ZNF224: variants seen among roughly 807,000 people sequenced by gnomAD.
The protein encoded by ZNF224 is bone marrow zinc finger 2.
A neutral mutation model predicts 10.5 loss-of-function variants in ZNF224; 8 were observed. The ratio of observed to expected loss-of-function variants is 0.76; its 90% CI spans 0.45 to 1.37. The LOEUF (loss-of-function observed/expected upper bound fraction) is 1.37. Ranked by LOEUF, ZNF224 falls within the 40% of genes most tolerant of loss-of-function variation. ZNF224 has a pLI of 0.00. For missense variants in ZNF224, 754 were observed against 854.0 expected (o/e 0.88, Z 1.46); for synonymous variants, 282 against 287.8 (o/e 0.98, Z 0.20).
intron 5 of ZNF224, among the ~76,000 whole-genome samples, chr19:44,103,052 T>C (rs1232076442): frequency 6.6e-6 from 1 of 152,226 alleles, no homozygotes; most frequent in Admixed American, 6.5e-5. Flanking sequence ...TGTATATTTC[T>C]GCACCTTCAT....
At chr19:44,103,818 G>A (rs1039982181) in intron 5 of ZNF224, among the ~76,000 whole-genome samples, 2 of 151,966 alleles carry the variant, frequency 1.3e-5, no homozygotes, top group African/African-American at 4.8e-5. Flanking sequence ...GGCCTCCCAC[G>A]TAGCTGGGAT....
chr19:44,098,259 T>G (rs559798807), intron 3 of ZNF224, among the ~76,000 whole-genome samples: 1 of 152,264 alleles, frequency 6.6e-6, no homozygotes, highest in South Asian at 2.1e-4. Context: ...TATTATATAA[T>G]GTTCATTTTT....
At chr19:44,104,698 G>A (rs1020910987) in intron 5 of ZNF224, among the ~76,000 whole-genome samples, 1 of 150,904 alleles carries the variant, frequency 6.6e-6, no homozygotes, top group Non-Finnish European at 1.5e-5. Context: ...GTCTCGCTCT[G>A]TCACCCAGGC....
chr19:44,108,533 G>A lies in ZNF224; in HGVS notation c.*249G>A. On this transcript the variant is annotated 3_prime_UTR_variant, in exon 6 of 6. Transcript: ENST00000693561. ...CCAGTAGTCTCAGGACCACCATAAT[G>A]GAGAATCCTTGTAAATGGTGCAATA... The A allele has an allele frequency of 2.0e-6, 1 of 512,754 alleles. No individual in the cohort carries two copies. Among genetic ancestry groups the A allele is most frequent in the East Asian group, 3.6e-5 (1 of 28,060 alleles). 31.8% of individuals were successfully genotyped at this position (512,754 alleles called of 1,614,324 possible).
Position 44,106,449 on chromosome 19 carries a change from G to C in ZNF224, c.289G>C (p.Glu97Gln). The C allele has an allele frequency of 5.0e-6, 8 of 1,614,166 alleles. No homozygotes were observed. Among genetic ancestry groups the C allele is most frequent in the Non-Finnish European group, 6.8e-6 (8 of 1,180,030 alleles). The change falls in exon 6 of 6, where the codon GAG becomes CAG. Residue 97 changes from glutamate (E) to glutamine (Q), a missense_variant. Transcript: ENST00000693561. ...ETVSEAGTHQ[E>Q]WSFQQIWEKI... Reference sequence around the variant, plus strand: ...TGTTTCAGAAGCAGGAACACATCAAGAGTGGTCCTTCCAGCAAATCTGGGA... The same window carrying C: ...TGTTTCAGAAGCAGGAACACATCAACAGTGGTCCTTCCAGCAAATCTGGGA...
intron 3 of ZNF224, among the ~76,000 whole-genome samples, chr19:44,100,165 A>G (rs530662109): frequency 6.6e-6 from 1 of 152,332 alleles, no homozygotes; most frequent in East Asian, 1.9e-4. Context: ...CGATCATTAT[A>G]TAGAGAGGAA....
At chr19:44,097,555 A>T (rs967322409) in intron 2 of ZNF224, among the ~76,000 whole-genome samples, 1 of 152,212 alleles carries the variant, frequency 6.6e-6, no homozygotes, top group Non-Finnish European at 1.5e-5. Flanking sequence ...TCAAAGGTTC[A>T]TGTATGTTGT....
rs1064700 is a variant in ZNF224, at chr19:44,107,893, C to G, written c.1733C>G (p.Thr578Ser). ...FKCEECGKRF[T>S]QNSQLHSHQR... ...TGTGAAGAGTGTGGGAAAAGATTTA[C>G]TCAGAATTCACAGCTTCATTCTCAT... The change falls in exon 6 of 6, where the codon ACT (threonine) becomes AGT (serine). Residue 578 changes from threonine to serine, a missense_variant. By Grantham distance (58) the Thr-to-Ser change is moderately conservative. Transcript: ENST00000693561. 2.5e-6 allele frequency: 4 copies of G among 1,601,140 alleles called. No individual in the cohort carries two copies. Among genetic ancestry groups the G allele is most frequent in the Admixed American group, 1.7e-5 (1 of 58,966 alleles).
At chr19:44,099,207 G>T (rs1266768152) in intron 3 of ZNF224, among the ~76,000 whole-genome samples, 1 of 152,156 alleles carries the variant, frequency 6.6e-6, no homozygotes, top group Non-Finnish European at 1.5e-5. Context: ...TACCTTGGGA[G>T]GGGGGCATCT....
chr19:44,095,969 A>T (rs1364392242), intron 1 of ZNF224: 2 of 151,614 alleles, frequency 1.3e-5, no homozygotes, highest in East Asian at 1.9e-4. Flanking sequence ...CTACGAATCC[A>T]TGAAGTAAAG....
intron 3 of ZNF224, among the ~76,000 whole-genome samples, chr19:44,099,181 C>G (rs1001411023): frequency 6.6e-6 from 1 of 152,138 alleles, no homozygotes; most frequent in Non-Finnish European, 1.5e-5. Flanking sequence ...CAGGTGGCAT[C>G]GCTCCTCCCT....
chr19:44,099,548 G>T (rs1195217035), intron 3 of ZNF224, among the ~76,000 whole-genome samples: 1 of 152,078 alleles, frequency 6.6e-6, no homozygotes, highest in Non-Finnish European at 1.5e-5. Flanking sequence ...AATCAAATAA[G>T]TGAGAATAAT....
At position 44,106,668 on chromosome 19, in the gene ZNF224, C is replaced by T. The variant is rs1967670241; in HGVS notation, c.508C>T (p.His170Tyr). The T allele has an allele frequency of 2.5e-6, 4 of 1,596,512 alleles. No individual in the cohort carries two copies. Among genetic ancestry groups the T allele is most frequent in the Non-Finnish European group, 2.6e-6 (3 of 1,170,686 alleles). The part of the protein sequence containing the change: ...VSHFDFHQQL[H>Y]SGEKSHTCDE... ...CCACTTTGATTTTCATCAACAATTA[C>T]ACTCAGGAGAGAAATCTCATACGTG... Residue 170 changes from histidine to tyrosine, a missense_variant, in exon 6 of 6, where the codon CAC (histidine) becomes TAC (tyrosine). His to Tyr is a moderately conservative substitution (Grantham distance 83). Coordinates refer to ENST00000693561, the MANE Select transcript of ZNF224 (RefSeq NM_001321645.3).
At position 44,106,982 on chromosome 19, in the gene ZNF224, G is replaced by T. The variant is rs151158492; in HGVS notation, c.822G>T (p.Gln274His). Residue 274 changes from glutamine (Q) to histidine (H), a missense_variant, in exon 6 of 6, where the codon CAG becomes CAT. By Grantham distance (24) the Gln-to-His change is conservative (BLOSUM62 0). Transcript: ENST00000693561. ...GGAAGGCCTTCATTCACGATTCCCA[G>T]CTTCAAGAACATCAGAGAATCCATA... Reference protein sequence around the residue: ...ECGKAFIHDSQLQEHQRIHTG... With the variant: ...ECGKAFIHDSHLQEHQRIHTG... 135 of 1,610,692 alleles carry T rather than the reference G, an allele frequency of 8.4e-5. 2 individuals carry two copies. In the African/African-American group the frequency reaches 1.7e-3, roughly 20 times the overall value.
In ZNF224 at chr19:44,107,488, T is replaced by C. The variant is rs1163501946; in HGVS notation, c.1328T>C (p.Leu443Pro). Residue 443 changes from leucine (L) to proline (P), a missense_variant, in exon 6 of 6, where the codon CTT becomes CCT. Transcript: ENST00000693561. Reference protein sequence around the residue: ...CGKGYKRRLDLDFHQRVHTGE... With the variant: ...CGKGYKRRLDPDFHQRVHTGE... ...AAGGGCTACAAAAGGAGGTTGGATC[T>C]TGACTTTCACCAGCGCGTCCATACA... 1.2e-6 allele frequency: 2 copies of C among 1,603,612 alleles called. No homozygotes were observed. The highest frequency in any genetic ancestry group is 1.7e-6 in the Non-Finnish European group (2 of 1,175,782).
At chr19:44,103,252 A>T (rs1967584144) in intron 5 of ZNF224, among the ~76,000 whole-genome samples, 1 of 152,230 alleles carries the variant, frequency 6.6e-6, no homozygotes, top group African/African-American at 2.4e-5. Flanking sequence ...CTTAAGTAAC[A>T]GTGTGTTAAA....
intron 2 of ZNF224, among the ~76,000 whole-genome samples, chr19:44,096,688 C>T (rs768796940): frequency 5.3e-5 from 8 of 152,148 alleles, no homozygotes; most frequent in African/African-American, 1.4e-4. Context: ...ACCCATCTGC[C>T]ACCACCACCT....
rs1017268103 is a variant in ZNF224 at position 44,094,380 on chromosome 19, C to T, written c.-308C>T. The T allele has an allele frequency of 4.6e-5, 7 of 152,276 alleles. No individual in the cohort carries two copies. In the South Asian group the frequency reaches 1.5e-3, roughly 32 times the overall value. 9.4% of individuals were successfully genotyped at this position (152,276 alleles called of 1,614,324 possible). A position where few individuals can be genotyped will look rare whatever the true frequency, so the allele number is the denominator to read the frequency against. On this transcript the variant is annotated 5_prime_UTR_variant, in exon 1 of 6. Coordinates refer to ENST00000693561, the MANE Select transcript of ZNF224 (RefSeq NM_001321645.3). Reference sequence around the variant, plus strand: ...TTCGGTGGAGTCGCGGACACTTCCGCTCGGGGACTGAGGTTGCTGCAGTTT... The same window carrying T: ...TTCGGTGGAGTCGCGGACACTTCCGTTCGGGGACTGAGGTTGCTGCAGTTT...
intron 5 of ZNF224, among the ~76,000 whole-genome samples, chr19:44,102,362 C>A (rs1033258509): frequency 2.2e-4 from 34 of 152,172 alleles, no homozygotes; most frequent in Non-Finnish European, 4.9e-4. Context: ...ACATGCTGGA[C>A]TATAATGTCT....
Sources: gnomAD v4.1 joint callset for allele counts (sites outside exome capture counted in the v4.1 genomes callset) on GRCh38, gnomAD v4.1.1 for gene constraint, MANE v1.5 for transcripts, NCBI Gene and HGNC (gene_info 2026-07-23, HGNC 2026-07-21) for gene names.